Variants in PCDHA8 observed in about 807,000 individuals in gnomAD.
PCDHA8 encodes protocadherin alpha 8.
In PCDHA8, 53 loss-of-function variants were observed where a neutral mutation model predicts 61.8. The observed-to-expected ratio is 0.86, with a 90% confidence interval of 0.69 to 1.08. The LOEUF is 1.08. Ranked by LOEUF, PCDHA8 falls within the 50% of genes least tolerant of loss-of-function variation. PCDHA8 has a pLI of 0.00. For synonymous variants in PCDHA8, 618 were observed against 556.6 expected, an observed-to-expected ratio of 1.11 and a Z score of -1.55; for missense variants, 1,293 against 1,245.0, an observed-to-expected ratio of 1.04 and a Z score of -0.58.
intron 1 of PCDHA8, chr5:140,968,445 G>C (rs782157846): frequency 1.2e-6 from 2 of 1,613,954 alleles, no homozygotes; most frequent in African/African-American, 2.7e-5. Context: ...CCACCACTGA[G>C]CAGCACTGTG....
chr5:140,845,778 A>G (rs190937688), intron 1 of PCDHA8, among the ~76,000 whole-genome samples: 1 of 149,842 alleles, frequency 6.7e-6, no homozygotes, highest in East Asian at 1.9e-4. Context: ...GTTATAAATT[A>G]TTAATAATAA....
intron 3 of PCDHA8, among the ~76,000 whole-genome samples, chr5:140,985,288 A>G (rs1007960248): frequency 1.3e-5 from 2 of 152,112 alleles, no homozygotes; most frequent in African/African-American, 4.8e-5. Flanking sequence ...AATCTATGAT[A>G]TAGTGTTGGC....
intron 3 of PCDHA8, among the ~76,000 whole-genome samples, chr5:141,004,093 C>T (rs1016954345): frequency 1.3e-5 from 2 of 152,164 alleles, no homozygotes; most frequent in African/African-American, 4.8e-5. Flanking sequence ...GTGCTTCTTC[C>T]GTTTTCATCT....
chr5:140,868,942 C>T (rs1238492263), intron 1 of PCDHA8: 6 of 1,256,058 alleles, frequency 4.8e-6, no homozygotes, highest in African/African-American at 1.5e-5. Context: ...TTGGTCTGAA[C>T]AGTGAGGCAC....
intron 1 of PCDHA8, chr5:140,867,114 G>A (rs567577345): frequency 6.6e-6 from 1 of 152,050 alleles, no homozygotes; most frequent in Non-Finnish European, 1.5e-5. Flanking sequence ...TTAACATATT[G>A]TTTTAATTCA....
intron 1 of PCDHA8, chr5:140,850,917 T>G: frequency 6.5e-7 from 1 of 1,530,140 alleles, no homozygotes; most frequent in Non-Finnish European, 8.8e-7. Context: ...TTTATTTATT[T>G]ATATAATTTT....
At chr5:140,889,273 T>C (rs1307102398) in intron 1 of PCDHA8, among the ~76,000 whole-genome samples, 3 of 152,054 alleles carry the variant, frequency 2.0e-5, no homozygotes, top group Admixed American at 6.5e-5. Flanking sequence ...GTATAATCTT[T>C]GAATTACTTC....
At chr5:140,844,212 C>T (rs1554140567) in intron 1 of PCDHA8, among the ~76,000 whole-genome samples, 1 of 149,426 alleles carries the variant, frequency 6.7e-6, no homozygotes, top group African/African-American at 2.4e-5. Context: ...GTCTGGTAGT[C>T]ACAAATATCT....
intron 1 of PCDHA8, among the ~76,000 whole-genome samples, chr5:140,886,431 ATTTG>A (rs1272820447): frequency 6.6e-6 from 1 of 152,012 alleles, no homozygotes; most frequent in East Asian, 1.9e-4. Context: ...ATTTCTATTC[ATTTG>A]TTTGTACTAA....
At chr5:140,937,507 C>G (rs1427417860) in intron 1 of PCDHA8, among the ~76,000 whole-genome samples, 1 of 152,106 alleles carries the variant, frequency 6.6e-6, no homozygotes, top group Non-Finnish European at 1.5e-5. Context: ...ATCCCAGCTA[C>G]TCAGGAGGCT....
At chr5:141,006,579 T>C (rs1208750821) in intron 3 of PCDHA8, among the ~76,000 whole-genome samples, 1 of 151,702 alleles carries the variant, frequency 6.6e-6, no homozygotes, top group Non-Finnish European at 1.5e-5. Context: ...GTGTGGAGGG[T>C]TGGAGAGAAG....
intron 1 of PCDHA8, chr5:140,882,650 G>A (rs782695823): frequency 8.1e-6 from 13 of 1,614,212 alleles, no homozygotes; most frequent in Non-Finnish European, 8.5e-6. Context: ...GGACATTAAC[G>A]ACAACCCGCC....
chr5:140,971,414 AT>A (rs2096477673), intron 1 of PCDHA8, among the ~76,000 whole-genome samples: 1 of 152,166 alleles, frequency 6.6e-6, no homozygotes, highest in African/African-American at 2.4e-5. Flanking sequence ...ACTTTTGGAA[AT>A]CCAGTGAAGA....
At chr5:141,009,167 G>A (rs2098401919) in intron 3 of PCDHA8, among the ~76,000 whole-genome samples, 1 of 152,180 alleles carries the variant, frequency 6.6e-6, no homozygotes, top group African/African-American at 2.4e-5. Flanking sequence ...TGTAAATACT[G>A]GCCTTGGCTG....
chr5:140,917,937 T>C (rs2078442259), intron 1 of PCDHA8, among the ~76,000 whole-genome samples: 1 of 152,186 alleles, frequency 6.6e-6, no homozygotes, highest in Non-Finnish European at 1.5e-5. Flanking sequence ...AAAAATAATA[T>C]TGGTAGTTTG....
At chr5:140,856,911 T>C in intron 1 of PCDHA8, 2 of 1,595,928 alleles carry the variant, frequency 1.3e-6, no homozygotes, top group South Asian at 2.2e-5. Context: ...CCACCCACGA[T>C]AAGAAGGAAA....
chr5:140,869,873 A>C, intron 1 of PCDHA8: 8 of 1,610,644 alleles, frequency 5.0e-6, no homozygotes, highest in Non-Finnish European at 6.8e-6. Flanking sequence ...AATGCTGCTA[A>C]AGAAACTCTT....
intron 3 of PCDHA8, among the ~76,000 whole-genome samples, chr5:141,007,174 G>A (rs926344346): frequency 6.6e-6 from 1 of 152,118 alleles, no homozygotes; most frequent in African/African-American, 2.4e-5. Context: ...AGAGAGAAAG[G>A]TCAGGAGAAT....
chr5:140,884,837 C>A, intron 1 of PCDHA8: 4 of 902,438 alleles, frequency 4.4e-6, no homozygotes, highest in Non-Finnish European at 6.3e-6. Flanking sequence ...GATTATCCTT[C>A]AGAGTGAAAT....
Sources: allele counts gnomAD v4.1 joint callset (sites outside exome capture counted in the v4.1 genomes callset), GRCh38; gene constraint gnomAD v4.1.1; transcripts MANE v1.5; gene names NCBI Gene and HGNC (gene_info 2026-07-23, HGNC 2026-07-21).